Variants in GTF2F2 observed in about 807,000 individuals in gnomAD.
GTF2F2 encodes general transcription factor IIF subunit 2.
GTF2F2 carries 23 observed loss-of-function variants against 42.2 expected under a neutral mutation model. The ratio of observed to expected loss-of-function variants is 0.55; its 90% CI spans 0.39 to 0.77. The LOEUF (loss-of-function observed/expected upper bound fraction) is 0.77, where lower values mean the gene tolerates loss of function less well. GTF2F2 is among the 30% of genes least tolerant of loss of function. The probability of loss-of-function intolerance (pLI) is 0.00; values close to 1 mark genes in which losing one functional copy is unlikely to be tolerated. For missense variants in GTF2F2, 261 were observed against 287.2 expected, an observed-to-expected ratio of 0.91 and a Z score of 0.66; for synonymous variants, 105 against 100.8, an observed-to-expected ratio of 1.04 and a Z score of -0.25.
At chr13:45,136,200 A>G (rs1869610769) in intron 1 of GTF2F2, among the ~76,000 whole-genome samples, 1 of 152,242 alleles carries the variant, frequency 6.6e-6, no homozygotes, top group Admixed American at 6.5e-5. Context: ...TGAGGATTAA[A>G]TGTGTCAATC....
rs557914419 is a variant in GTF2F2, at chr13:45,143,406, A to G, written c.141-6364A>G. Among the ~76,000 whole-genome samples, 35 of 152,338 alleles carry G rather than the reference A, an allele frequency of 2.3e-4. No homozygotes were observed. The South Asian group carries it at 6.8e-3, about 30-fold the overall frequency. ...GTCCTTACCCTATCACTTACTAGCT[A>G]TGTGACTTTGCGTAAATTGTTTACT... On this transcript the variant is annotated intron_variant, in intron 2 of 7. Transcript: ENST00000340473.
At position 45,228,283 on chromosome 13, in the gene GTF2F2, C is replaced by CTTTTTTTTTTTTTTTTTTTTTTTTTTT. The variant is rs372901327; in HGVS notation, c.386+20794_386+20795insTTTTTTTTTTTTTTTTTTTTTTTTTTT. ...TTTCCTTATTGCTGCCAGAGTTAAT[C>CTTTTTTTTTTTTTTTTTTTTTTTTTTT]TTTTTTTTTTTTTTTTGGAGACGGA... On this transcript the variant is annotated intron_variant, in intron 5 of 7. Coordinates refer to ENST00000340473, the MANE Select transcript of GTF2F2 (RefSeq NM_004128.3). Among the ~76,000 whole-genome samples, 210 of 92,634 alleles carry CTTTTTTTTTTTTTTTTTTTTTTTTTTT rather than the reference C, an allele frequency of 2.3e-3. 15 individuals carry two copies. The highest frequency in any genetic ancestry group is 3.2e-3 in the Non-Finnish European group (150 of 47,350). The allele number at this position is 92,634 out of a possible 152,430, so 60.8% of individuals were successfully genotyped here.
chr13:45,247,420 G>A (rs1229155675), intron 5 of GTF2F2, among the ~76,000 whole-genome samples: 1 of 151,458 alleles, frequency 6.6e-6, no homozygotes, highest in African/African-American at 2.4e-5. Flanking sequence ...TTTTTGAGAT[G>A]GAGTCTCTGT....
At chr13:45,134,350 T>C (rs1009393342) in intron 1 of GTF2F2, among the ~76,000 whole-genome samples, 71 of 152,242 alleles carry the variant, frequency 4.7e-4, no homozygotes, top group East Asian at 7.7e-4. Flanking sequence ...GAAGAAGACT[T>C]ATGCTCTTCG....
chr13:45,269,935 G>A (rs1164933584), intron 7 of GTF2F2, among the ~76,000 whole-genome samples: 3 of 151,996 alleles, frequency 2.0e-5, no homozygotes, highest in East Asian at 1.9e-4. Context: ...GAGTTCAAGC[G>A]ATTCTCCTGC....
intron 4 of GTF2F2, among the ~76,000 whole-genome samples, chr13:45,159,402 T>C (rs1423559562): frequency 6.6e-6 from 1 of 152,234 alleles, no homozygotes. Flanking sequence ...CTTTCTTTCT[T>C]TTTTTTGAGA....
At chr13:45,210,219 C>T (rs1305751025) in intron 5 of GTF2F2, among the ~76,000 whole-genome samples, 2 of 152,186 alleles carry the variant, frequency 1.3e-5, no homozygotes, top group South Asian at 2.1e-4. Flanking sequence ...GATCATCCTA[C>T]GACTGTCTAC....
At chr13:45,177,656 C>T in intron 4 of GTF2F2, among the ~76,000 whole-genome samples, 1 of 152,142 alleles carries the variant, frequency 6.6e-6, no homozygotes, top group Non-Finnish European at 1.5e-5. Flanking sequence ...AGTAGTGATG[C>T]TGGCAATTCA....
At chr13:45,255,310 A>G (rs1411732615) in intron 6 of GTF2F2, among the ~76,000 whole-genome samples, 2 of 152,216 alleles carry the variant, frequency 1.3e-5, no homozygotes, top group South Asian at 2.1e-4. Context: ...AGGGCTAAGT[A>G]GATATCTTAA....
At chr13:45,153,759 C>T (rs1329157928) in intron 4 of GTF2F2, among the ~76,000 whole-genome samples, 2 of 151,942 alleles carry the variant, frequency 1.3e-5, no homozygotes, top group Admixed American at 6.6e-5. Flanking sequence ...GGGCAAATCA[C>T]CTGAGGCCAG....
intron 1 of GTF2F2, among the ~76,000 whole-genome samples, chr13:45,123,699 A>G (rs1321651572): frequency 6.6e-6 from 1 of 151,978 alleles, no homozygotes; most frequent in Non-Finnish European, 1.5e-5. Context: ...TTAGGGAAAA[A>G]CAAATATAGT....
At chr13:45,248,674 C>T (rs1348788716) in intron 5 of GTF2F2, among the ~76,000 whole-genome samples, 1 of 152,060 alleles carries the variant, frequency 6.6e-6, no homozygotes, top group Non-Finnish European at 1.5e-5. Flanking sequence ...CTGGGTTTCG[C>T]CATGTTGGGC....
intron 4 of GTF2F2, among the ~76,000 whole-genome samples, chr13:45,197,734 T>C (rs951281610): frequency 2.6e-5 from 4 of 152,188 alleles, no homozygotes; most frequent in Admixed American, 2.6e-4. Flanking sequence ...GGGTGTTGCT[T>C]GTCCAAGGTA....
intron 7 of GTF2F2, 55 bp from the exon 8 acceptor site, chr13:45,283,382 TTTAAG>T: frequency 6.7e-7 from 1 of 1,483,378 alleles, no homozygotes; most frequent in Admixed American, 2.1e-5. Flanking sequence ...ATCATCTTAT[TTTAAG>T]TTTTGTCCCC....
At chr13:45,207,176 TA>T in intron 4 of GTF2F2, 1 of 415,242 alleles carries the variant, frequency 2.4e-6, no homozygotes, top group East Asian at 3.7e-5. Flanking sequence ...GCAGAGTGTA[TA>T]AAAGCTGTTC....
chr13:45,194,183 T>C, intron 4 of GTF2F2: 2 of 1,614,178 alleles, frequency 1.2e-6, no homozygotes, highest in Non-Finnish European at 8.5e-7. Flanking sequence ...TTCTCCCACC[T>C]GGATTTCACT....
intron 7 of GTF2F2, among the ~76,000 whole-genome samples, chr13:45,281,853 A>T (rs901822938): frequency 3.3e-5 from 5 of 152,212 alleles, no homozygotes; most frequent in Admixed American, 1.3e-4. Context: ...CACGCACACA[A>T]ATTATTGTTG....
chr13:45,202,651 T>C (rs927602795), intron 4 of GTF2F2, among the ~76,000 whole-genome samples: 5 of 152,162 alleles, frequency 3.3e-5, no homozygotes, highest in African/African-American at 1.2e-4. Flanking sequence ...ATCTTAAAAC[T>C]TATAAATGTA....
chr13:45,266,058 A>G (rs963078873), intron 6 of GTF2F2, among the ~76,000 whole-genome samples: 7 of 152,266 alleles, frequency 4.6e-5, no homozygotes, highest in African/African-American at 9.6e-5. Flanking sequence ...ATGTTTTACA[A>G]TTGAACAGTC....
Sources: allele counts gnomAD v4.1 joint callset (sites outside exome capture counted in the v4.1 genomes callset), GRCh38; gene constraint gnomAD v4.1.1; transcripts MANE v1.5; gene names NCBI Gene and HGNC (gene_info 2026-07-23, HGNC 2026-07-21).